Variants in SLC27A2 observed in about 807,000 individuals in gnomAD.
SLC27A2 encodes the protein long-chain fatty acid transport protein 2.
SLC27A2 carries 54 observed loss-of-function variants against 60.0 expected under a neutral mutation model. The ratio of observed to expected loss-of-function variants is 0.90; its 90% CI spans 0.72 to 1.13. SLC27A2 has a LOEUF of 1.13. Ranked by LOEUF, SLC27A2 falls within the 50% of genes most tolerant of loss-of-function variation. SLC27A2 has a pLI of 0.00. For synonymous variants in SLC27A2, 297 were observed against 297.6 expected, an observed-to-expected ratio of 1.00 and a Z score of 0.02; for missense variants, 739 against 777.6, an observed-to-expected ratio of 0.95 and a Z score of 0.59.
Position 50,182,405 on chromosome 15 carries a change from G to C in SLC27A2, c.-23G>C, listed in dbSNP as rs2044861873. The C allele has an allele frequency of 6.4e-7, 1 of 1,574,426 alleles. No homozygotes were observed. Among genetic ancestry groups the C allele is most frequent in the Admixed American group, 1.8e-5 (1 of 56,348 alleles). On this transcript the variant is annotated 5_prime_UTR_variant, in exon 1 of 10. Coordinates refer to ENST00000267842, the MANE Select transcript of SLC27A2 (RefSeq NM_003645.4). ...CGGGGTGAACCCTCTGCCCTCGCTG[G>C]GACAGAGGGCCCCGCAGCCGTCATG...
chr15:50,188,963 GTAGATAGATAGATAGATAAATAGA>G (rs1428317509), intron 1 of SLC27A2, among the ~76,000 whole-genome samples: 69 of 144,714 alleles, frequency 4.8e-4, no homozygotes, highest in African/African-American at 1.4e-3. Context: ...GTCTAGATAG[GTAGATAGATAGATAGATAAATAGA>G]TAGATAGATA....
At chr15:50,201,722 AT>A (rs1487400746) in intron 2 of SLC27A2, among the ~76,000 whole-genome samples, 1 of 151,886 alleles carries the variant, frequency 6.6e-6, no homozygotes, top group Non-Finnish European at 1.5e-5. Flanking sequence ...CGCCCGGCTA[AT>A]TTTTTGTATT....
At chr15:50,192,922 C>T (rs889465420) in intron 1 of SLC27A2, among the ~76,000 whole-genome samples, 1 of 151,958 alleles carries the variant, frequency 6.6e-6, no homozygotes, top group Non-Finnish European at 1.5e-5. Flanking sequence ...CCTATCTACT[C>T]TACCTACCAG....
chr15:50,205,309 CA>C lies in SLC27A2; in HGVS notation c.919del (p.Thr307LeufsTer27). 6.2e-7 allele frequency: 1 copy of C among 1,611,110 alleles called. No homozygotes were observed. ...FWDDCRKYNV[T>X]VIQYIGELLR... Reference sequence around the variant, plus strand: ...GGGATGACTGCAGAAAATACAACGTCACTGTCATTCAGTATATCGGTGAACT... The same window carrying C: ...GGGATGACTGCAGAAAATACAACGTCCTGTCATTCAGTATATCGGTGAACT... On this transcript the variant is annotated frameshift_variant, in exon 4 of 10. Coordinates refer to ENST00000267842, the MANE Select transcript of SLC27A2 (RefSeq NM_003645.4). LOFTEE classifies it high-confidence loss of function.
chr15:50,231,142 T>C (rs1221038517), intron 8 of SLC27A2, among the ~76,000 whole-genome samples: 1 of 56,590 alleles, frequency 1.8e-5, no homozygotes, highest in Non-Finnish European at 4.1e-5. Flanking sequence ...AATTGTACAC[T>C]TTTTTTTTTT....
chr15:50,193,151 A>C (rs2044988011), intron 1 of SLC27A2, among the ~76,000 whole-genome samples: 1 of 152,192 alleles, frequency 6.6e-6, no homozygotes, highest in Non-Finnish European at 1.5e-5. Context: ...ACTCAGGCTT[A>C]GTCAGTCCCA....
chr15:50,200,321 G>C (rs1048258804), intron 2 of SLC27A2, among the ~76,000 whole-genome samples: 20 of 152,122 alleles, frequency 1.3e-4, no homozygotes, highest in African/African-American at 4.8e-4. Flanking sequence ...CCAGATACCT[G>C]GGGGGCTGAG....
At chr15:50,212,097 G>GA (rs1276870455) in intron 4 of SLC27A2, among the ~76,000 whole-genome samples, 4 of 143,016 alleles carry the variant, frequency 2.8e-5, no homozygotes, top group Non-Finnish European at 6.1e-5. Context: ...AAAAGTAAAT[G>GA]AAAAAAACAA....
intron 1 of SLC27A2, among the ~76,000 whole-genome samples, chr15:50,185,175 G>C (rs983506968): frequency 6.6e-6 from 1 of 152,180 alleles, no homozygotes; most frequent in African/African-American, 2.4e-5. Flanking sequence ...CTGCAATAAA[G>C]TCAGAATTAC....
chr15:50,203,020 A>ATATAT (rs1555500675), intron 3 of SLC27A2, among the ~76,000 whole-genome samples: 2 of 147,724 alleles, frequency 1.4e-5, no homozygotes. Flanking sequence ...CTCTAAAAAA[A>ATATAT]ATATATATAT....
intron 5 of SLC27A2, 65 bp downstream of exon 5, chr15:50,223,224 C>T: frequency 1.7e-6 from 2 of 1,197,232 alleles, no homozygotes; most frequent in Non-Finnish European, 2.4e-6. Flanking sequence ...TTCTTAAAAG[C>T]CAAGTCATGA....
At chr15:50,234,067 C>T (rs1380878369) in intron 9 of SLC27A2, 69 bp downstream of exon 9, 5 of 1,419,270 alleles carry the variant, frequency 3.5e-6, no homozygotes, top group Admixed American at 2.2e-5. Flanking sequence ...GGGAACAACT[C>T]GCCTTCTCCC....
chr15:50,218,261 A>G (rs910084988), intron 4 of SLC27A2, among the ~76,000 whole-genome samples: 1 of 152,178 alleles, frequency 6.6e-6, no homozygotes, highest in Admixed American at 6.5e-5. Context: ...TAAAGCTGAG[A>G]AATCTTACAG....
intron 8 of SLC27A2, among the ~76,000 whole-genome samples, 160 bp downstream of exon 8, chr15:50,229,202 T>C (rs1175087133): frequency 6.6e-6 from 1 of 152,236 alleles, no homozygotes; most frequent in Non-Finnish European, 1.5e-5. Flanking sequence ...TGTTCCACTA[T>C]AAAAGCCAAC....
In SLC27A2 at chr15:50,227,119, C is replaced by G. The variant is rs763758874; in HGVS notation, c.1398C>G (p.Leu466=). ...KGDLYFNSGD[L]LMVDHENFIY... ...ACCTCTATTTCAACAGTGGAGATCTCTTAATGGTTGACCATGAAAATTTCA... is the reference window on the plus strand; with the variant it reads ...ACCTCTATTTCAACAGTGGAGATCTGTTAATGGTTGACCATGAAAATTTCA... Residue 466 remains leucine (L), a synonymous_variant, in exon 7 of 10, where the codon CTC becomes CTG. Coordinates refer to ENST00000267842, the MANE Select transcript of SLC27A2 (RefSeq NM_003645.4). 1.9e-6 allele frequency: 3 copies of G among 1,613,982 alleles called. No homozygotes were observed. Among genetic ancestry groups the G allele is most frequent in the Non-Finnish European group, 1.7e-6 (2 of 1,179,948 alleles).
intron 9 of SLC27A2, among the ~76,000 whole-genome samples, chr15:50,235,398 T>G (rs754809645): frequency 6.6e-6 from 1 of 152,204 alleles, no homozygotes; most frequent in African/African-American, 2.4e-5. Context: ...TAGCGGTACC[T>G]GAAGCCTTAC....
Position 50,202,612 on chromosome 15 carries a change from C to T in SLC27A2, c.814C>T (p.Leu272=), listed in dbSNP as rs950693656. The change falls in exon 3 of 10, where the codon CTA becomes TTA. Residue 272 remains leucine (L), a synonymous_variant. Coordinates refer to ENST00000267842, the MANE Select transcript of SLC27A2 (RefSeq NM_003645.4). ...ITLPFYHSAA[L]LIGIHGCIVA... ...TCTGCCCTTTTACCACAGTGCTGCA[C>T]TACTGATTGGCATTCACGGATGTAT... The T allele has an allele frequency of 1.7e-5, 27 of 1,614,064 alleles. No individual in the cohort carries two copies. The highest frequency in any genetic ancestry group is 2.1e-5 in the Non-Finnish European group (25 of 1,180,026).
In SLC27A2 at chr15:50,205,377, C is replaced by T. The variant is rs781513861; in HGVS notation, c.972+14C>T. 33 of 1,595,712 alleles carry T rather than the reference C, an allele frequency of 2.1e-5. No individual in the cohort carries two copies. The highest frequency in any genetic ancestry group is 1.8e-4 in the East Asian group (8 of 44,402). On this transcript the variant is annotated intron_variant, in intron 4 of 9. Transcript: ENST00000267842. ...AACTCACCACAGGTAACACTCCCCCCGTTTTACTATCATTTTGAAATGGGT... is the reference window on the plus strand; with the variant it reads ...AACTCACCACAGGTAACACTCCCCCTGTTTTACTATCATTTTGAAATGGGT...
At chr15:50,225,524 A>G (rs949227158) in intron 5 of SLC27A2, among the ~76,000 whole-genome samples, 4 of 152,256 alleles carry the variant, frequency 2.6e-5, no homozygotes, top group Admixed American at 2.6e-4. Context: ...CATCCACCAA[A>G]AGACACAAGA....
Sources: allele counts gnomAD v4.1 joint callset (sites outside exome capture counted in the v4.1 genomes callset), GRCh38; gene constraint gnomAD v4.1.1; transcripts MANE v1.5; gene names NCBI Gene and HGNC (gene_info 2026-07-23, HGNC 2026-07-21).